Variants in SUMO2 observed in about 807,000 individuals in gnomAD.
SUMO2 encodes small ubiquitin-related modifier 2.
In SUMO2, 1 loss-of-function variant was observed where a neutral mutation model predicts 16.0. The ratio of observed to expected loss-of-function variants is 0.06; its 90% confidence interval spans 0.02 to 0.30. The LOEUF (loss-of-function observed/expected upper bound fraction) is 0.30. Ranked by LOEUF, SUMO2 falls within the 10% of genes least tolerant of loss-of-function variation. The pLI is 1.00. For synonymous variants in SUMO2, 36 were observed against 40.6 expected, an observed-to-expected ratio of 0.89 and a Z score of 0.43; for missense variants, 16 against 117.5, an observed-to-expected ratio of 0.14 and a Z score of 3.99.
At chr17:75,173,846 A>G (rs1459993869) in intron 3 of SUMO2, among the ~76,000 whole-genome samples, 1 of 151,980 alleles carries the variant, frequency 6.6e-6, no homozygotes, top group East Asian at 1.9e-4. Context: ...AAAAAGAAAC[A>G]AAGAGCTTCT....
At position 75,168,405 on chromosome 17, in the gene SUMO2, G is replaced by A; in HGVS notation, c.226-4C>T. Reference sequence around the variant, plus strand: ...TATCTTCATCCTCCATTTCCAACTAGCATAAAAGAAAAAACAAATGTAAAA... The same window carrying A: ...TATCTTCATCCTCCATTTCCAACTAACATAAAAGAAAAAACAAATGTAAAA... On this transcript the variant is annotated splice_region_variant and splice_polypyrimidine_tract_variant and intron_variant, in intron 3 of 3. Coordinates refer to ENST00000420826, the MANE Select transcript of SUMO2 (RefSeq NM_006937.4). 1 of 1,604,014 alleles carries A rather than the reference G, an allele frequency of 6.2e-7. No homozygotes were observed. The highest frequency in any genetic ancestry group is 8.5e-7 in the Non-Finnish European group (1 of 1,175,510).
chr17:75,171,742 C>G (rs1386131467), intron 3 of SUMO2, among the ~76,000 whole-genome samples: 2 of 152,080 alleles, frequency 1.3e-5, no homozygotes, highest in Non-Finnish European at 2.9e-5. Context: ...TTTGTAACTA[C>G]TATAGCAGAT....
intron 2 of SUMO2, among the ~76,000 whole-genome samples, chr17:75,180,059 G>T (rs1311323285): frequency 6.6e-6 from 1 of 151,970 alleles, no homozygotes; most frequent in Admixed American, 6.6e-5. Flanking sequence ...AATCTGAAGG[G>T]GCCAGGCACA....
intron 3 of SUMO2, among the ~76,000 whole-genome samples, chr17:75,170,298 G>A (rs771632126): frequency 8.5e-5 from 13 of 152,192 alleles, no homozygotes; most frequent in Non-Finnish European, 1.9e-4. Flanking sequence ...TAGGCTGGGC[G>A]CCGGGGCTCA....
rs2074690310 is a variant in SUMO2 at position 75,166,029 on chromosome 17, A to AAAAAAAC, written c.*2309_*2310insGTTTTTT. The stretch of plus-strand genomic sequence containing the variant: ...CGACAGAGCAAGACTCCGTCTGAAA[A>AAAAAAAC]AAAAACAAAAACAAAAACAAAAACT... On this transcript the variant is annotated 3_prime_UTR_variant, in exon 4 of 4. Transcript: ENST00000420826. The AAAAAAAC allele has an allele frequency of 6.6e-6, 1 of 152,304 alleles. No individual in the cohort carries two copies. Among genetic ancestry groups the AAAAAAAC allele is most frequent in the South Asian group, 2.1e-4 (1 of 4,826 alleles). 9.4% of individuals were successfully genotyped at this position (152,304 alleles called of 1,614,324 possible). A position where few individuals can be genotyped will look rare whatever the true frequency, so the allele number is the denominator to read the frequency against.
chr17:75,170,300 C>T lies in SUMO2; in HGVS notation c.226-1899G>A, dbSNP rs1016254550. Among the ~76,000 whole-genome samples the T allele has an allele frequency of 3.9e-5, 6 of 151,998 alleles. No individual in the cohort carries two copies. In the East Asian group the frequency reaches 7.7e-4, roughly 20 times the overall value. On this transcript the variant is annotated intron_variant, in intron 3 of 3. Coordinates refer to ENST00000420826, the MANE Select transcript of SUMO2 (RefSeq NM_006937.4). ...TAAAAACCCAAATTAGGCTGGGCGCCGGGGCTCACGCCTATAATCCCAACA... is the reference window on the plus strand; with the variant it reads ...TAAAAACCCAAATTAGGCTGGGCGCTGGGGCTCACGCCTATAATCCCAACA...
intron 1 of SUMO2, chr17:75,182,430 T>G (rs997661858): frequency 6.2e-6 from 1 of 162,392 alleles, no homozygotes; most frequent in Non-Finnish European, 1.3e-5. Context: ...CCTCGGAGAC[T>G]GCAACACCCG....
chr17:75,175,136 C>A (rs1469132692), intron 2 of SUMO2, among the ~76,000 whole-genome samples: 1 of 151,840 alleles, frequency 6.6e-6, no homozygotes. Flanking sequence ...TCCCCCGCCA[C>A]AACAACCGGC....
At chr17:75,170,785 G>A (rs2074731593) in intron 3 of SUMO2, among the ~76,000 whole-genome samples, 2 of 150,884 alleles carry the variant, frequency 1.3e-5, no homozygotes. Flanking sequence ...GGGAGGTGGA[G>A]GTTATAGTGA....
At chr17:75,171,558 C>T (rs2074738935) in intron 3 of SUMO2, among the ~76,000 whole-genome samples, 1 of 151,824 alleles carries the variant, frequency 6.6e-6, no homozygotes, top group Admixed American at 6.6e-5. Context: ...AGGAGGCCTG[C>T]TAAGATGTTT....
intron 3 of SUMO2, among the ~76,000 whole-genome samples, chr17:75,173,018 C>A (rs1329767418): frequency 6.6e-6 from 1 of 152,146 alleles, no homozygotes; most frequent in Non-Finnish European, 1.5e-5. Flanking sequence ...CAAAGATTAT[C>A]AACAAAACTA....
Position 75,182,814 on chromosome 17 carries a change from C to T in SUMO2, c.21G>A (p.Lys7=). Residue 7 remains lysine (K), a splice_region_variant and synonymous_variant, in exon 1 of 4, where the codon AAG becomes AAA. Coordinates refer to ENST00000420826, the MANE Select transcript of SUMO2 (RefSeq NM_006937.4). MADEKP[K]EGVKTENNDH... is the part of the protein sequence containing the mutation. The stretch of plus-strand genomic sequence containing the variant: ...GCGAAGGGGCCGGCGGCGAGCTCAC[C>T]TTGGGCTTTTCGTCGGCCATGGCGA... 2 of 1,408,198 alleles carry T rather than the reference C, an allele frequency of 1.4e-6. No individual in the cohort carries two copies. Among genetic ancestry groups the T allele is most frequent in the Non-Finnish European group, 1.9e-6 (2 of 1,074,260 alleles). 87.2% of individuals were successfully genotyped at this position (1,408,198 alleles called of 1,614,324 possible).
chr17:75,173,945 C>T (rs952860278), intron 3 of SUMO2, among the ~76,000 whole-genome samples: 4 of 152,210 alleles, frequency 2.6e-5, no homozygotes, highest in Admixed American at 6.6e-5. Flanking sequence ...GAGAGCATCA[C>T]GTTTTGTAGT....
intron 3 of SUMO2, among the ~76,000 whole-genome samples, chr17:75,169,673 G>A (rs2074720495): frequency 6.6e-6 from 1 of 151,894 alleles, no homozygotes; most frequent in Non-Finnish European, 1.5e-5. Flanking sequence ...GTGAACCACT[G>A]CACCCGGCCT....
At chr17:75,174,877 T>A in intron 2 of SUMO2, 54 bp from the exon 3 acceptor site, 1 of 1,426,216 alleles carries the variant, frequency 7.0e-7, no homozygotes, top group Middle Eastern at 1.8e-4. Flanking sequence ...GAATTCTATT[T>A]ACATAAAAGT....
intron 2 of SUMO2, among the ~76,000 whole-genome samples, chr17:75,178,419 C>A (rs955231194): frequency 1.4e-5 from 2 of 147,548 alleles, no homozygotes; most frequent in African/African-American, 5.0e-5. Context: ...GAGGCTGAGG[C>A]AGGAGAATCG....
Position 75,166,645 on chromosome 17 carries a change from T to C in SUMO2, c.*1694A>G, listed in dbSNP as rs1026054989. Reference sequence around the variant, plus strand: ...CTATAAAAAATACAAGAATTAGCTGTGGTGGCATGCACCTGCGGTTCTAGC... The same window carrying C: ...CTATAAAAAATACAAGAATTAGCTGCGGTGGCATGCACCTGCGGTTCTAGC... On this transcript the variant is annotated 3_prime_UTR_variant, in exon 4 of 4. Transcript: ENST00000420826. 12 of 152,298 alleles carry C rather than the reference T, an allele frequency of 7.9e-5. No homozygotes were observed. The highest frequency in any genetic ancestry group is 2.9e-4 in the African/African-American group (12 of 41,556). The allele number at this position is 152,298 out of a possible 1,614,324, so 9.4% of individuals were successfully genotyped here.
chr17:75,168,479 G>A, intron 3 of SUMO2, 78 bp from the exon 4 acceptor site: 2 of 1,264,426 alleles, frequency 1.6e-6, no homozygotes, highest in Non-Finnish European at 2.2e-6. Flanking sequence ...TAAGTATGCT[G>A]AAAACATGTA....
chr17:75,182,089 G>A (rs1049630763), intron 1 of SUMO2, among the ~76,000 whole-genome samples: 1 of 152,148 alleles, frequency 6.6e-6, no homozygotes, highest in African/African-American at 2.4e-5. Flanking sequence ...CAAAAGTTAA[G>A]CCGCACAAAG....
Sources: allele counts gnomAD v4.1 joint callset (sites outside exome capture counted in the v4.1 genomes callset), GRCh38; gene constraint gnomAD v4.1.1; transcripts MANE v1.5; gene names NCBI Gene and HGNC (gene_info 2026-07-23, HGNC 2026-07-21).